The following ZCCHC4 variants were observed in gnomAD, a reference collection of about 807,000 sequenced individuals.
ZCCHC4 encodes zinc finger CCHC-type containing 4, also known as rRNA N(6)-adenosine-methyltransferase ZCCHC4.
ZCCHC4 carries 54 observed loss-of-function variants against 67.7 expected under a neutral mutation model. That is an observed-to-expected ratio of 0.80 (90% confidence interval 0.64 to 1.00). The LOEUF is 1.00. Among genes scored for constraint, ZCCHC4 ranks in the 50% least tolerant of loss-of-function variants. The pLI, the probability that ZCCHC4 is intolerant of heterozygous loss-of-function variation, is 0.00. For synonymous variants in ZCCHC4, 198 were observed against 213.5 expected (o/e 0.93, Z 0.63); for missense variants, 609 against 617.0 (o/e 0.99, Z 0.14).
chr4:25,330,938 T>C lies in ZCCHC4; in HGVS notation c.330-2245T>C, dbSNP rs57650941. On this transcript the variant is annotated intron_variant, in intron 3 of 12. Coordinates refer to ENST00000302874, the MANE Select transcript of ZCCHC4 (RefSeq NM_024936.3). ...ACTCGAGGGGAATTGTCAGCTAGTC[T>C]GGAGCGTTTTTTCTCTCTCTCTCAG... is the stretch of plus-strand genomic sequence containing the variant. Among the ~76,000 whole-genome samples, 1,031 of 152,302 alleles carry C rather than the reference T, an allele frequency of 6.8e-3. 10 individuals carry two copies. Among genetic ancestry groups the C allele is most frequent in the African/African-American group, 0.023 (968 of 41,572 alleles).
At chr4:25,320,849 G>T (rs1375039276) in intron 3 of ZCCHC4, among the ~76,000 whole-genome samples, 1 of 152,226 alleles carries the variant, frequency 6.6e-6, no homozygotes, top group South Asian at 2.1e-4. Context: ...GATGTATCAT[G>T]TAAGTGGAGG....
intron 6 of ZCCHC4, among the ~76,000 whole-genome samples, chr4:25,349,059 A>G (rs969501558): frequency 6.6e-6 from 1 of 152,198 alleles, no homozygotes; most frequent in Non-Finnish European, 1.5e-5. Context: ...TATTAAACTG[A>G]ACTCATGGCA....
chr4:25,335,461 A>G (rs1719409832), intron 5 of ZCCHC4, among the ~76,000 whole-genome samples: 1 of 151,916 alleles, frequency 6.6e-6, no homozygotes, highest in Admixed American at 6.6e-5. Context: ...AAAGATAATA[A>G]TCATAAAAGT....
At chr4:25,357,313 C>G (rs1398613177) in intron 8 of ZCCHC4, among the ~76,000 whole-genome samples, 2 of 152,216 alleles carry the variant, frequency 1.3e-5, no homozygotes, top group African/African-American at 4.8e-5. Flanking sequence ...ATCAACGTCT[C>G]TCCTGAAATG....
At chr4:25,319,094 T>C (rs1718434051) in intron 3 of ZCCHC4, among the ~76,000 whole-genome samples, 1 of 152,206 alleles carries the variant, frequency 6.6e-6, no homozygotes, top group South Asian at 2.1e-4. Flanking sequence ...TAGAAAAGGC[T>C]AAGTGCTGGC....
At chr4:25,339,647 A>T (rs1719629274) in intron 5 of ZCCHC4, among the ~76,000 whole-genome samples, 1 of 152,174 alleles carries the variant, frequency 6.6e-6, no homozygotes, top group Non-Finnish European at 1.5e-5. Context: ...TATATTCTGG[A>T]TACTAGACCC....
chr4:25,338,779 A>T (rs926535910), intron 5 of ZCCHC4, among the ~76,000 whole-genome samples: 9 of 152,026 alleles, frequency 5.9e-5, no homozygotes, highest in Non-Finnish European at 2.9e-5. Context: ...GGATATACCA[A>T]ATTTTGTTTA....
intron 12 of ZCCHC4, chr4:25,365,551 G>A (rs1232659088): frequency 1.0e-6 from 1 of 991,516 alleles, no homozygotes; most frequent in East Asian, 1.1e-4. Context: ...GGAAAGGCTG[G>A]AGAAGGCATT....
chr4:25,368,776 C>T (rs1470858293), intron 12 of ZCCHC4, among the ~76,000 whole-genome samples: 1 of 152,100 alleles, frequency 6.6e-6, no homozygotes, highest in Non-Finnish European at 1.5e-5. Flanking sequence ...GTGTGTTTGC[C>T]CCGGACAGCT....
intron 7 of ZCCHC4, among the ~76,000 whole-genome samples, chr4:25,351,305 A>G (rs1207019438): frequency 6.6e-6 from 1 of 152,064 alleles, no homozygotes; most frequent in Non-Finnish European, 1.5e-5. Flanking sequence ...TCTATTTTCA[A>G]CTTTTTAGGT....
At chr4:25,358,997 C>G (rs1473009542) in intron 8 of ZCCHC4, among the ~76,000 whole-genome samples, 1 of 152,210 alleles carries the variant, frequency 6.6e-6, no homozygotes, top group Non-Finnish European at 1.5e-5. Flanking sequence ...AAACCTGACA[C>G]TTGGCGTGAC....
At chr4:25,330,327 CTGTTTCTTTG>C (rs1439314376) in intron 3 of ZCCHC4, among the ~76,000 whole-genome samples, 1 of 151,884 alleles carries the variant, frequency 6.6e-6, no homozygotes. Flanking sequence ...TCATGTTGTT[CTGTTTCTTTG>C]CATACCTGGT....
At chr4:25,350,640 TTTG>T (rs539749624) in intron 7 of ZCCHC4, among the ~76,000 whole-genome samples, 210 of 152,310 alleles carry the variant, frequency 1.4e-3, no homozygotes, top group African/African-American at 4.8e-3. Context: ...AGTTGATAAA[TTTG>T]TTAAGAGTGT....
chr4:25,353,214 T>G (rs1720381428), intron 8 of ZCCHC4, among the ~76,000 whole-genome samples: 1 of 150,818 alleles, frequency 6.6e-6, no homozygotes, highest in Non-Finnish European at 1.5e-5. Context: ...CTTTTATGCA[T>G]ATAATTTTTT....
chr4:25,368,892 G>A (rs1463468580), intron 12 of ZCCHC4, 137 bp from the exon 13 acceptor site: 2 of 1,074,486 alleles, frequency 1.9e-6, no homozygotes, highest in African/African-American at 1.6e-5. Context: ...AGGAGACTGA[G>A]GATTTATGCT....
intron 3 of ZCCHC4, among the ~76,000 whole-genome samples, chr4:25,325,428 C>T (rs1353560654): frequency 2.0e-5 from 3 of 151,246 alleles, no homozygotes; most frequent in South Asian, 2.1e-4. Flanking sequence ...CCACCACACC[C>T]GGCTAATTTT....
At chr4:25,340,196 G>A (rs917360065) in intron 5 of ZCCHC4, among the ~76,000 whole-genome samples, 3 of 152,118 alleles carry the variant, frequency 2.0e-5, no homozygotes, top group Non-Finnish European at 4.4e-5. Flanking sequence ...GTATGAGGTA[G>A]GGGTCTAACT....
intron 5 of ZCCHC4, among the ~76,000 whole-genome samples, chr4:25,341,722 T>C (rs1204985924): frequency 6.6e-6 from 1 of 152,226 alleles, no homozygotes; most frequent in Non-Finnish European, 1.5e-5. Flanking sequence ...CTCTGTGTTG[T>C]TCAAAGGTCA....
chr4:25,345,726 T>A, intron 6 of ZCCHC4, 106 bp downstream of exon 6: 1 of 726,090 alleles, frequency 1.4e-6, no homozygotes, highest in East Asian at 2.7e-5. Flanking sequence ...AAATTGTGGC[T>A]GTTCTACCAT....
Sources: gnomAD v4.1 joint callset for allele counts (sites outside exome capture counted in the v4.1 genomes callset) on GRCh38, gnomAD v4.1.1 for gene constraint, MANE v1.5 for transcripts, NCBI Gene and HGNC (gene_info 2026-07-23, HGNC 2026-07-21) for gene names.